The following ZMYM1 variants were observed in gnomAD, a reference collection of about 807,000 sequenced individuals.
The protein encoded by ZMYM1 is zinc finger MYM-type containing 1.
Under a neutral mutation model 60.0 loss-of-function variants are expected in ZMYM1, and 39 were observed. That is an observed-to-expected ratio of 0.65 (90% CI 0.50 to 0.85). ZMYM1 has a LOEUF of 0.85. Ranked by LOEUF, ZMYM1 falls within the 40% of genes least tolerant of loss-of-function variation. The probability of loss-of-function intolerance (pLI) is 0.00; values close to 1 mark genes in which losing one functional copy is unlikely to be tolerated. For missense variants in ZMYM1, 1,171 were observed against 1,309.5 expected, an observed-to-expected ratio of 0.89 and a Z score of 1.63; for synonymous variants, 413 against 454.0, an observed-to-expected ratio of 0.91 and a Z score of 1.15.
At position 35,113,126 on chromosome 1, in the gene ZMYM1, A is replaced by T; in HGVS notation, c.1296A>T (p.Lys432Asn). 1 of 1,614,072 alleles carries T rather than the reference A, an allele frequency of 6.2e-7. No individual in the cohort carries two copies. ...AAAAAGACAATATGAAATCTATGAA[A>T]ATAAGTGATGAACTATGTCACCCAA... is the stretch of plus-strand genomic sequence containing the variant. ...EVQKDNMKSM[K>N]ISDELCHPKC... Residue 432 changes from lysine to asparagine, a missense_variant, in exon 10 of 10, where the codon AAA becomes AAT. Transcript: ENST00000359858.
chr1:35,067,579 A>T (rs1423096522), intron 1 of ZMYM1, among the ~76,000 whole-genome samples: 1 of 152,116 alleles, frequency 6.6e-6, no homozygotes, highest in Non-Finnish European at 1.5e-5. Context: ...ATCACCACTA[A>T]AGAACTTACT....
At chr1:35,083,257 C>T (rs1167472129) in intron 1 of ZMYM1, among the ~76,000 whole-genome samples, 1 of 151,666 alleles carries the variant, frequency 6.6e-6, no homozygotes, top group Non-Finnish European at 1.5e-5. Flanking sequence ...CTTAAGCAGT[C>T]TTACCACCTC....
At chr1:35,103,866 A>G (rs553367574) in intron 4 of ZMYM1, among the ~76,000 whole-genome samples, 10 of 152,310 alleles carry the variant, frequency 6.6e-5, no homozygotes, top group African/African-American at 2.4e-4. Flanking sequence ...TGCTCATGTG[A>G]ATATGTGATC....
At position 35,115,400 on chromosome 1, in the gene ZMYM1, A is replaced by C; in HGVS notation, c.*141A>C. Reference sequence around the variant, plus strand: ...CCTTTAGAACTCATTTTCTCTTCCCAAAAAGTGTTATCTTTTCCTTAAATA... The same window carrying C: ...CCTTTAGAACTCATTTTCTCTTCCCCAAAAGTGTTATCTTTTCCTTAAATA... On this transcript the variant is annotated 3_prime_UTR_variant, in exon 10 of 10. Transcript: ENST00000359858. The C allele has an allele frequency of 2.9e-6, 3 of 1,022,148 alleles. No homozygotes were observed. Among genetic ancestry groups the C allele is most frequent in the Non-Finnish European group, 2.7e-6 (2 of 734,010 alleles). The allele number at this position is 1,022,148 out of a possible 1,614,324, so 63.3% of individuals were successfully genotyped here.
At position 35,115,258 on chromosome 1, in the gene ZMYM1, A is replaced by C; in HGVS notation, c.3428A>C (p.Ter1143SerextTer5). 1 of 1,572,246 alleles carries C rather than the reference A, an allele frequency of 6.4e-7. No homozygotes were observed. The highest frequency in any genetic ancestry group is 8.6e-7 in the Non-Finnish European group (1 of 1,165,474). ...TTTATCAGTCAGATGAAAGAAATAT[A>C]ATACATGCTCATTTGAACTTACCTA... is the stretch of plus-strand genomic sequence containing the variant. ...EKFISQMKEI[*>S] The change falls in exon 10 of 10, where the codon TAA (stop) becomes TCA (serine). Residue 1143 changes from the stop codon to serine (S), a stop_lost. Coordinates refer to ENST00000359858, the MANE Select transcript of ZMYM1 (RefSeq NM_024772.5).
rs762627279 is a variant in ZMYM1 at position 35,111,831 on chromosome 1, A to T, written c.1021A>T (p.Thr341Ser). ...STELLSPKKD[T>S]TPVISNIVSL... Reference sequence around the variant, plus strand: ...AGAGCTTCTTTCTCCAAAGAAAGATACGACTCCAGTTATAAGCAATATAGT... The same window carrying T: ...AGAGCTTCTTTCTCCAAAGAAAGATTCGACTCCAGTTATAAGCAATATAGT... The change falls in exon 8 of 10, where the codon ACG becomes TCG. Residue 341 changes from threonine (T) to serine (S), a missense_variant. By Grantham distance (58) the Thr-to-Ser change is moderately conservative (BLOSUM62 1). Coordinates refer to ENST00000359858, the MANE Select transcript of ZMYM1 (RefSeq NM_024772.5). 7 of 1,609,280 alleles carry T rather than the reference A, an allele frequency of 4.3e-6. No homozygotes were observed. The highest frequency in any genetic ancestry group is 1.1e-5 in the South Asian group (1 of 90,480).
intron 6 of ZMYM1, among the ~76,000 whole-genome samples, chr1:35,108,486 G>A (rs1643969368): frequency 6.6e-6 from 1 of 151,854 alleles, no homozygotes. Flanking sequence ...CAAGTAGCTG[G>A]GGTTACTTGG....
At position 35,113,859 on chromosome 1, in the gene ZMYM1, G is replaced by GA; in HGVS notation, c.2032dup (p.Arg678LysfsTer7). On this transcript the variant is annotated frameshift_variant, in exon 10 of 10. Coordinates refer to ENST00000359858, the MANE Select transcript of ZMYM1 (RefSeq NM_024772.5). LOFTEE classifies it high-confidence loss of function. Reference sequence around the variant, plus strand: ...ATCATCAAAGGCTATCTTAATTAAGGAAAGATTCTTGGGTTTTGTTGATAC... The same window carrying GA: ...ATCATCAAAGGCTATCTTAATTAAGGAAAAGATTCTTGGGTTTTGTTGATAC... 1 of 1,613,654 alleles carries GA rather than the reference G, an allele frequency of 6.2e-7. No individual in the cohort carries two copies. Among genetic ancestry groups the GA allele is most frequent in the Non-Finnish European group, 8.5e-7 (1 of 1,179,832 alleles).
intron 6 of ZMYM1, among the ~76,000 whole-genome samples, chr1:35,105,176 C>A (rs1257601858): frequency 4.8e-5 from 7 of 144,780 alleles, no homozygotes; most frequent in African/African-American, 1.8e-4. Flanking sequence ...CCTCTGTCAC[C>A]CAGGCTGGAG....
intron 1 of ZMYM1, among the ~76,000 whole-genome samples, chr1:35,092,931 G>A (rs1489123455): frequency 2.0e-5 from 3 of 152,036 alleles, no homozygotes; most frequent in Admixed American, 6.6e-5. Context: ...AGCCAACTTC[G>A]TTATTTTTTT....
intron 1 of ZMYM1, among the ~76,000 whole-genome samples, chr1:35,068,466 T>G (rs1032184982): frequency 3.4e-5 from 5 of 146,232 alleles, no homozygotes; most frequent in Admixed American, 1.4e-4. Flanking sequence ...GAAAAGAAAC[T>G]GTGGTATTTG....
intron 4 of ZMYM1, among the ~76,000 whole-genome samples, chr1:35,100,882 A>G (rs1334347059): frequency 6.6e-6 from 1 of 151,558 alleles, no homozygotes; most frequent in Non-Finnish European, 1.5e-5. Flanking sequence ...GGCTCACTGC[A>G]GCCTCGACCA....
chr1:35,081,167 C>T (rs556015306), intron 1 of ZMYM1, among the ~76,000 whole-genome samples: 16 of 151,756 alleles, frequency 1.1e-4, no homozygotes, highest in Non-Finnish European at 1.9e-4. Context: ...CTCAGCTGAT[C>T]CACCCTCTCA....
At chr1:35,100,267 C>G (rs139730940) in intron 4 of ZMYM1, among the ~76,000 whole-genome samples, 1 of 152,052 alleles carries the variant, frequency 6.6e-6, no homozygotes, top group African/African-American at 2.4e-5. Context: ...ACTTTTTATT[C>G]TATTTCATGG....
At chr1:35,087,547 C>T (rs897514391) in intron 1 of ZMYM1, among the ~76,000 whole-genome samples, 1 of 151,902 alleles carries the variant, frequency 6.6e-6, no homozygotes, top group Non-Finnish European at 1.5e-5. Context: ...TTGCCTCAGC[C>T]TCCCAAATAA....
upstream of ZMYM1, among the ~76,000 whole-genome samples, chr1:35,074,900 G>A (rs549473352): frequency 6.9e-6 from 1 of 144,980 alleles, no homozygotes; most frequent in African/African-American, 2.5e-5. Flanking sequence ...TCCCTCCATC[G>A]CCCAGGCTGG....
intron 1 of ZMYM1, among the ~76,000 whole-genome samples, chr1:35,061,197 A>G (rs909015133): frequency 6.6e-6 from 1 of 152,230 alleles, no homozygotes; most frequent in Non-Finnish European, 1.5e-5. Flanking sequence ...AAAGGAAGAA[A>G]GGAAGCAAGT....
intron 6 of ZMYM1, 82 bp from the exon 7 acceptor site, chr1:35,110,212 T>A (rs546716649): frequency 9.4e-7 from 1 of 1,067,686 alleles, no homozygotes; most frequent in Middle Eastern, 2.3e-4. Flanking sequence ...ATATTCCAAC[T>A]AAAAGCAGTG....
chr1:35,088,442 A>G (rs1390114057), intron 1 of ZMYM1, among the ~76,000 whole-genome samples: 8 of 108,948 alleles, frequency 7.3e-5, no homozygotes, highest in African/African-American at 3.3e-4. Flanking sequence ...GTGTATATAT[A>G]TATATATATA....
Sources: allele counts gnomAD v4.1 joint callset (sites outside exome capture counted in the v4.1 genomes callset), GRCh38; gene constraint gnomAD v4.1.1; transcripts MANE v1.5; gene names NCBI Gene and HGNC (gene_info 2026-07-23, HGNC 2026-07-21).